Variants in PLEKHH2 observed in about 807,000 individuals in gnomAD.
PLEKHH2 encodes pleckstrin homology, MyTH4 and FERM domain containing H2.
Under a neutral mutation model 187.9 loss-of-function variants are expected in PLEKHH2, and 129 were observed. The observed-to-expected ratio is 0.69, with a 90% CI of 0.59 to 0.79. The LOEUF is 0.79. Among genes scored for constraint, PLEKHH2 ranks in the 30% least tolerant of loss-of-function variants. The pLI, the probability that PLEKHH2 is intolerant of heterozygous loss-of-function variation, is 0.00. For missense variants in PLEKHH2, 2,076 were observed against 1,751.2 expected, an observed-to-expected ratio of 1.19 and a Z score of -3.31; for synonymous variants, 686 against 605.6, an observed-to-expected ratio of 1.13 and a Z score of -1.95.
chr2:43,688,904 G>A (rs1266837144), intron 3 of PLEKHH2, among the ~76,000 whole-genome samples: 1 of 152,070 alleles, frequency 6.6e-6, no homozygotes, highest in East Asian at 1.9e-4. Flanking sequence ...TTTTATTAGA[G>A]GTCAGTCATG....
intron 3 of PLEKHH2, chr2:43,681,087 T>C: frequency 8.7e-7 from 1 of 1,150,564 alleles, no homozygotes; most frequent in Admixed American, 2.0e-5. Flanking sequence ...ACTATTTGAA[T>C]GCCAACCAAC....
chr2:43,706,163 TA>T (rs1473007819), intron 9 of PLEKHH2, among the ~76,000 whole-genome samples, 158 bp from the exon 10 acceptor site: 2 of 152,244 alleles, frequency 1.3e-5, no homozygotes, highest in Non-Finnish European at 2.9e-5. Context: ...AATAAACCTG[TA>T]AATGCCATAA....
intron 2 of PLEKHH2, among the ~76,000 whole-genome samples, chr2:43,672,640 A>G (rs772157002): frequency 1.5e-4 from 23 of 152,212 alleles, no homozygotes; most frequent in Non-Finnish European, 3.1e-4. Flanking sequence ...CTAATTTCAC[A>G]GGTTATTTGA....
At position 43,743,986 on chromosome 2, in the gene PLEKHH2, C is replaced by G; in HGVS notation, c.3552C>G (p.Ile1184Met). 6.2e-7 allele frequency: 1 copy of G among 1,613,100 alleles called. No individual in the cohort carries two copies. The highest frequency in any genetic ancestry group is 8.5e-7 in the Non-Finnish European group (1 of 1,179,362). ...RDLEHCLQGN[I>M]KICDIISKWE... ...TAGAGCATTGTCTTCAAGGAAACAT[C>G]AAGGTGAAACCAAGTCCTTTTCAGG... The change falls in exon 23 of 30, where the codon ATC (isoleucine) becomes ATG (methionine). Residue 1184 changes from isoleucine to methionine, a missense_variant. By Grantham distance (10) the Ile-to-Met change is conservative. Transcript: ENST00000282406.
Position 43,697,254 on chromosome 2 carries a change from T to C in PLEKHH2, c.586T>C (p.Phe196Leu), listed in dbSNP as rs1669138290. 3 of 1,613,762 alleles carry C rather than the reference T, an allele frequency of 1.9e-6. No individual in the cohort carries two copies. The highest frequency in any genetic ancestry group is 3.3e-5 in the Admixed American group (2 of 59,994). Residue 196 changes from phenylalanine (F) to leucine (L), a missense_variant, in exon 7 of 30, where the codon TTT (phenylalanine) becomes CTT (leucine). Transcript: ENST00000282406. The stretch of plus-strand genomic sequence containing the variant: ...CCTGAGCAGTTTGACCTTTGGGTGC[T>C]TTTTATCTCGAGCAAGGAGTCCTCC... The part of the protein sequence containing the change: ...QRLSSLTFGC[F>L]LSRARSPPQV...
chr2:43,711,620 G>A (rs1024658317), intron 14 of PLEKHH2: 76 of 952,088 alleles, frequency 8.0e-5, no homozygotes, highest in East Asian at 1.1e-4. Flanking sequence ...GGCCGGGCGC[G>A]GTGGCTCACG....
At chr2:43,690,852 A>G (rs773247935) in intron 3 of PLEKHH2, among the ~76,000 whole-genome samples, 20 of 152,244 alleles carry the variant, frequency 1.3e-4, no homozygotes, top group Non-Finnish European at 2.6e-4. Flanking sequence ...GACCATCTAC[A>G]ATCAAGGATC....
intron 2 of PLEKHH2, among the ~76,000 whole-genome samples, chr2:43,669,234 A>G (rs57817883): frequency 0.014 from 2,097 of 152,280 alleles, 47 homozygotes; most frequent in African/African-American, 0.048. Context: ...AAGATAGTAT[A>G]CAAAAAATAC....
intron 7 of PLEKHH2, among the ~76,000 whole-genome samples, chr2:43,699,021 C>G (rs1669228023): frequency 6.6e-6 from 1 of 152,030 alleles, no homozygotes; most frequent in African/African-American, 2.4e-5. Context: ...TAAACTATAG[C>G]TTTGTATTTA....
intron 2 of PLEKHH2, among the ~76,000 whole-genome samples, chr2:43,648,560 C>CGTGT (rs71410194): frequency 0.092 from 12,736 of 137,782 alleles, 632 homozygotes; most frequent in Non-Finnish European, 0.11. Flanking sequence ...TAATTACATT[C>CGTGT]GTGTGTGTGT....
In PLEKHH2 at chr2:43,711,624, G is replaced by T. The variant is rs374502115; in HGVS notation, c.2302-601G>T. ...AGTAGGAACCTGGCCGGGCGCGGTG[G>T]CTCACGCCTGTAATCTCAGCACTTC... On this transcript the variant is annotated intron_variant, in intron 14 of 29. Transcript: ENST00000282406. 1.4e-5 allele frequency: 13 copies of T among 939,684 alleles called. No individual in the cohort carries two copies. In the African/African-American group the frequency reaches 2.3e-4, roughly 17 times the overall value. 58.2% of individuals were successfully genotyped at this position (939,684 alleles called of 1,614,324 possible).
At chr2:43,694,301 G>A in intron 4 of PLEKHH2, 130 bp from the exon 5 acceptor site, 3 of 1,072,966 alleles carry the variant, frequency 2.8e-6, no homozygotes, top group South Asian at 3.5e-5. Context: ...AAACCTATTT[G>A]GTAATTTGAA....
At chr2:43,717,548 C>G (rs1030370056) in intron 15 of PLEKHH2, among the ~76,000 whole-genome samples, 2 of 152,108 alleles carry the variant, frequency 1.3e-5, no homozygotes, top group Admixed American at 6.5e-5. Flanking sequence ...AGAAGTGGAG[C>G]AGTTCCCAGT....
chr2:43,714,115 T>C (rs1425274755), intron 15 of PLEKHH2, among the ~76,000 whole-genome samples: 12 of 152,234 alleles, frequency 7.9e-5, no homozygotes, highest in Admixed American at 7.2e-4. Context: ...TAATGAGCTA[T>C]GCTCTTGTTT....
intron 2 of PLEKHH2, among the ~76,000 whole-genome samples, chr2:43,652,961 G>A (rs977210826): frequency 1.3e-5 from 2 of 152,080 alleles, no homozygotes; most frequent in Non-Finnish European, 2.9e-5. Context: ...AGAAAAAATG[G>A]CAAACCTAAG....
intron 2 of PLEKHH2, among the ~76,000 whole-genome samples, chr2:43,647,571 A>T (rs769258510): frequency 6.6e-6 from 1 of 152,122 alleles, no homozygotes; most frequent in Non-Finnish European, 1.5e-5. Flanking sequence ...GTATGTATGT[A>T]TGTAGTAATA....
intron 28 of PLEKHH2, among the ~76,000 whole-genome samples, chr2:43,762,979 C>T (rs1445035818): frequency 1.3e-5 from 2 of 152,058 alleles, no homozygotes; most frequent in Admixed American, 1.3e-4. Flanking sequence ...ACTAAATTCA[C>T]CTGGCAGGTC....
intron 24 of PLEKHH2, 55 bp downstream of exon 24, chr2:43,746,018 A>T: frequency 8.8e-7 from 1 of 1,133,454 alleles, no homozygotes; most frequent in Admixed American, 2.3e-5. Flanking sequence ...TGTTCTAATA[A>T]TGCACCTACT....
At chr2:43,723,696 A>T (rs147849597) in intron 16 of PLEKHH2, among the ~76,000 whole-genome samples, 266 of 152,306 alleles carry the variant, frequency 1.7e-3, no homozygotes, top group African/African-American at 6.1e-3. Context: ...CCTTTAGTTC[A>T]AAATAACCCT....
Sources: allele counts gnomAD v4.1 joint callset (sites outside exome capture counted in the v4.1 genomes callset), GRCh38; gene constraint gnomAD v4.1.1; transcripts MANE v1.5; gene names NCBI Gene and HGNC (gene_info 2026-07-23, HGNC 2026-07-21).